The following ENTREP2 variants were observed in gnomAD, a reference collection of about 807,000 sequenced individuals.
ENTREP2 encodes the protein endosomal transmembrane epsin interactor 2, also known as protein ENTREP2.
chr15:29,221,342 T>C, the ENTREP2 span, among the ~76,000 whole-genome samples: 55 of 152,016 alleles, frequency 3.6e-4, 1 homozygote, highest in South Asian at 0.011. Flanking sequence ...GCTGGGATTA[T>C]AGGTGCCCAC....
the ENTREP2 span, among the ~76,000 whole-genome samples, chr15:29,379,605 G>C: frequency 2.6e-5 from 4 of 152,096 alleles, no homozygotes; most frequent in Admixed American, 1.3e-4. Context: ...TCCAGCTGCT[G>C]CTACATCCCC....
At chr15:29,327,434 A>G in the ENTREP2 span, among the ~76,000 whole-genome samples, 1 of 152,082 alleles carries the variant, frequency 6.6e-6, no homozygotes, top group Non-Finnish European at 1.5e-5. Flanking sequence ...CTCTACTAAA[A>G]ATACAAAAAA....
At chr15:29,437,795 A>G in the ENTREP2 span, among the ~76,000 whole-genome samples, 2 of 152,208 alleles carry the variant, frequency 1.3e-5, no homozygotes, top group South Asian at 2.1e-4. Context: ...CTTGGATTTT[A>G]GTGAAAAAAG....
chr15:29,170,341 C>T, the ENTREP2 span, among the ~76,000 whole-genome samples: 5 of 140,360 alleles, frequency 3.6e-5, no homozygotes, highest in South Asian at 2.3e-4. Flanking sequence ...AATCAATATG[C>T]AAAATTCATT....
the ENTREP2 span, among the ~76,000 whole-genome samples, chr15:29,441,994 A>G: frequency 6.6e-6 from 1 of 152,020 alleles, no homozygotes; most frequent in Non-Finnish European, 1.5e-5. Flanking sequence ...GCCAATACCA[A>G]CCCAGTTCTC....
At chr15:29,546,479 C>T in the ENTREP2 span, among the ~76,000 whole-genome samples, 2 of 152,116 alleles carry the variant, frequency 1.3e-5, no homozygotes, top group Non-Finnish European at 2.9e-5. Context: ...AAGTGGCAGA[C>T]TAGAGAAGAG....
chr15:29,579,962 G>A, the ENTREP2 span, among the ~76,000 whole-genome samples: 1 of 151,748 alleles, frequency 6.6e-6, no homozygotes. Flanking sequence ...CACCTGTCTC[G>A]GCCTCCCAAA....
At chr15:29,268,968 G>C in the ENTREP2 span, 1 of 1,614,190 alleles carries the variant, frequency 6.2e-7, no homozygotes, top group South Asian at 1.1e-5. Context: ...ACTGGAATTC[G>C]TAGTCGACGG....
At chr15:29,301,579 C>A in the ENTREP2 span, among the ~76,000 whole-genome samples, 1 of 152,126 alleles carries the variant, frequency 6.6e-6, no homozygotes, top group Non-Finnish European at 1.5e-5. Flanking sequence ...CAGATACTAC[C>A]TTTGACTAAG....
At chr15:29,157,101 A>G in the ENTREP2 span, among the ~76,000 whole-genome samples, 330 of 152,084 alleles carry the variant, frequency 2.2e-3, 2 homozygotes, top group African/African-American at 7.7e-3. Flanking sequence ...TGTCTGGAAG[A>G]AAAAAAATAA....
At chr15:29,639,872 G>A in the ENTREP2 span, among the ~76,000 whole-genome samples, 16 of 137,134 alleles carry the variant, frequency 1.2e-4, no homozygotes, top group East Asian at 1.4e-3. Flanking sequence ...AGGTTCAAGC[G>A]ATTCTCCTGC....
At chr15:29,370,477 C>T in the ENTREP2 span, among the ~76,000 whole-genome samples, 6 of 151,966 alleles carry the variant, frequency 3.9e-5, no homozygotes, top group Non-Finnish European at 5.9e-5. Context: ...AAAGAATTAG[C>T]AAAGAACAAC....
chr15:29,258,198 G>A, the ENTREP2 span, among the ~76,000 whole-genome samples: 2 of 126,864 alleles, frequency 1.6e-5, no homozygotes, highest in East Asian at 4.8e-4. Flanking sequence ...GGGTGACAGA[G>A]CAAGGCTCAG....
chr15:29,310,567 T>A, the ENTREP2 span, among the ~76,000 whole-genome samples: 1 of 152,146 alleles, frequency 6.6e-6, no homozygotes, highest in South Asian at 2.1e-4. Context: ...AAATGGAGCC[T>A]CTGACAGGAG....
the ENTREP2 span, among the ~76,000 whole-genome samples, chr15:29,625,464 C>T: frequency 1.3e-5 from 2 of 152,168 alleles, no homozygotes; most frequent in Admixed American, 6.5e-5. Flanking sequence ...GGCACCATCT[C>T]GGCTCACTGC....
chr15:29,411,744 A>G, the ENTREP2 span, among the ~76,000 whole-genome samples: 1 of 152,202 alleles, frequency 6.6e-6, no homozygotes, highest in African/African-American at 2.4e-5. Context: ...AATTTCTTAC[A>G]TCTTACATTT....
the ENTREP2 span, among the ~76,000 whole-genome samples, chr15:29,655,022 T>C: frequency 6.6e-6 from 1 of 152,182 alleles, no homozygotes. Context: ...TGTCAAATGA[T>C]TTGTAAACAG....
chr15:29,191,511 A>G, the ENTREP2 span, among the ~76,000 whole-genome samples: 1 of 152,158 alleles, frequency 6.6e-6, no homozygotes, highest in Non-Finnish European at 1.5e-5. Context: ...ATGGAAAAAA[A>G]AGACAAAGAC....
the ENTREP2 span, among the ~76,000 whole-genome samples, chr15:29,476,559 C>T: frequency 6.6e-6 from 1 of 152,242 alleles, no homozygotes; most frequent in South Asian, 2.1e-4. Flanking sequence ...TTACCACCAC[C>T]AGGCAGGGCC....
Sources: allele counts gnomAD v4.1 joint callset (sites outside exome capture counted in the v4.1 genomes callset), GRCh38; gene constraint gnomAD v4.1.1; transcripts MANE v1.5; gene names NCBI Gene and HGNC (gene_info 2026-07-23, HGNC 2026-07-21).